Variants in CECR2 observed in about 807,000 individuals in gnomAD.
CECR2 encodes the protein CECR2 histone acetyl-lysine reader.
A neutral mutation model predicts 154.5 loss-of-function variants in CECR2; 30 were observed. The observed-to-expected ratio is 0.19, with a 90% CI of 0.15 to 0.26. The LOEUF (loss-of-function observed/expected upper bound fraction) is 0.26, where lower values mean the gene tolerates loss of function less well. Ranked by LOEUF, CECR2 falls within the 10% of genes least tolerant of loss-of-function variation. The pLI is 1.00. For synonymous variants in CECR2, 725 were observed against 683.7 expected (o/e 1.06, Z -0.94); for missense variants, 1,743 against 1,829.3 (o/e 0.95, Z 0.86).
intron 1 of CECR2, among the ~76,000 whole-genome samples, chr22:17,455,897 G>A (rs564379286): frequency 4.6e-4 from 70 of 152,230 alleles, no homozygotes; most frequent in African/African-American, 1.6e-3. Flanking sequence ...GCCCCAAACA[G>A]CACACATTTA....
intron 1 of CECR2, among the ~76,000 whole-genome samples, chr22:17,362,547 T>C: frequency 7.9e-6 from 1 of 127,114 alleles, no homozygotes; most frequent in Non-Finnish European, 1.9e-5. Flanking sequence ...AATTTTTTAG[T>C]TCATTTTTTT....
At chr22:17,507,601 A>G (rs2055870430) in intron 7 of CECR2, among the ~76,000 whole-genome samples, 1 of 152,146 alleles carries the variant, frequency 6.6e-6, no homozygotes, top group South Asian at 2.1e-4. Context: ...TAGAAGAATT[A>G]AGGGGAAAAA....
Position 17,497,410 on chromosome 22 carries a change from A to G in CECR2, c.229A>G (p.Thr77Ala). The G allele has an allele frequency of 6.2e-7, 1 of 1,613,532 alleles. No individual in the cohort carries two copies. ...TTTGGGGCCCTGGTCTAGGCCTCAG[A>G]CATTCCACAGCTACCTAGAGGACAT... ...CYQRRDITPQTFHSYLEDIIN... is the reference protein window; with the variant it reads ...CYQRRDITPQAFHSYLEDIIN... Residue 77 changes from threonine (T) to alanine (A), a missense_variant, in exon 3 of 19, where the codon ACA (threonine) becomes GCA (alanine). Physicochemically the swap from Thr to Ala is moderately conservative, Grantham distance 58. Transcript: ENST00000262608.
At chr22:17,517,430 G>A (rs1222570006) in intron 8 of CECR2, among the ~76,000 whole-genome samples, 6 of 152,160 alleles carry the variant, frequency 3.9e-5, no homozygotes, top group African/African-American at 1.4e-4. Context: ...GAGAACGGAG[G>A]AATACCGGTA....
At chr22:17,432,210 G>A (rs185988399) in intron 1 of CECR2, among the ~76,000 whole-genome samples, 16 of 152,198 alleles carry the variant, frequency 1.1e-4, no homozygotes, top group Admixed American at 3.9e-4. Context: ...TCCTGTAAGT[G>A]GAATCACACA....
At chr22:17,376,009 C>G (rs960956025) in intron 1 of CECR2, among the ~76,000 whole-genome samples, 1 of 151,142 alleles carries the variant, frequency 6.6e-6, no homozygotes, top group African/African-American at 2.4e-5. Context: ...TTTAATGTAA[C>G]ATACTAGAGG....
At chr22:17,485,547 TCA>T (rs1417980646) in intron 2 of CECR2, among the ~76,000 whole-genome samples, 1 of 152,152 alleles carries the variant, frequency 6.6e-6, no homozygotes, top group East Asian at 1.9e-4. Context: ...GGCAGGCCGC[TCA>T]CATGAACTCA....
intron 5 of CECR2, among the ~76,000 whole-genome samples, chr22:17,501,302 C>G (rs981415052): frequency 2.0e-5 from 3 of 152,130 alleles, no homozygotes; most frequent in African/African-American, 7.2e-5. Flanking sequence ...TTTTTAACCA[C>G]TAAGAAATAT....
intron 1 of CECR2, among the ~76,000 whole-genome samples, chr22:17,380,973 TCTC>T (rs2063181074): frequency 6.6e-6 from 1 of 152,246 alleles, no homozygotes; most frequent in Middle Eastern, 3.4e-3. Context: ...TCCTTTCTCT[TCTC>T]CATTCCCCAT....
At chr22:17,540,921 C>T (rs1350944517) in intron 14 of CECR2, 121 bp downstream of exon 14, 8 of 1,071,948 alleles carry the variant, frequency 7.5e-6, no homozygotes, top group Admixed American at 3.2e-5. Context: ...ATCTTTTTCC[C>T]TGTGAGTCCT....
intron 1 of CECR2, among the ~76,000 whole-genome samples, chr22:17,466,217 G>A (rs539538397): frequency 2.6e-5 from 4 of 152,190 alleles, no homozygotes; most frequent in African/African-American, 4.8e-5. Context: ...GAGCCAGAGC[G>A]CCTGGCCTTC....
intron 1 of CECR2, chr22:17,424,737 T>A (rs758920109): frequency 1.9e-5 from 3 of 154,508 alleles, no homozygotes; most frequent in Non-Finnish European, 4.4e-5. Context: ...AGGATTGGTG[T>A]CCCTCTCTCA....
chr22:17,549,406 C>T lies in CECR2; in HGVS notation c.4119C>T (p.His1373=), dbSNP rs2056670746. 1 of 1,613,824 alleles carries T rather than the reference C, an allele frequency of 6.2e-7. No homozygotes were observed. Among genetic ancestry groups the T allele is most frequent in the Admixed American group, 1.7e-5 (1 of 59,980 alleles). Residue 1373 remains histidine (H), a synonymous_variant, in exon 17 of 19, where the codon CAC becomes CAT. Transcript: ENST00000262608. ...YSSPVAALPP[H]HPGATQPNGL... The stretch of plus-strand genomic sequence containing the variant: ...CCCCTGTGGCTGCCCTCCCACCTCA[C>T]CACCCAGGGGCCACCCAGCCCAACG...
chr22:17,444,576 G>A (rs2054631098), intron 1 of CECR2, among the ~76,000 whole-genome samples: 1 of 151,918 alleles, frequency 6.6e-6, no homozygotes. Context: ...GTGAGATCAT[G>A]CCACTGCACT....
rs2056549814 is a variant in CECR2, at chr22:17,542,797, T to A, written c.2654T>A (p.Met885Lys). The A allele has an allele frequency of 6.2e-7, 1 of 1,613,748 alleles. No homozygotes were observed. Among genetic ancestry groups the A allele is most frequent in the Non-Finnish European group, 8.5e-7 (1 of 1,179,820 alleles). Residue 885 changes from methionine to lysine, a missense_variant, in exon 16 of 19, where the codon ATG becomes AAG. Around this residue, in one of 4 missense-constraint regions of CECR2, gnomAD observed 1,250 missense variants for 1,192.1 expected, o/e 1.05. Coordinates refer to ENST00000262608, the MANE Select transcript of CECR2 (RefSeq NM_001290047.2). ...GGDSMMDSPEMIAMQQLSSRV... is the reference protein window; with the variant it reads ...GGDSMMDSPEKIAMQQLSSRV... ...GACTCCATGATGGACAGCCCAGAGA[T>A]GATTGCGATGCAGCAGCTCTCCTCC...
At chr22:17,455,939 TGAAGGTATTAGCTGAGG>T (rs2054847638) in intron 1 of CECR2, among the ~76,000 whole-genome samples, 1 of 152,112 alleles carries the variant, frequency 6.6e-6, no homozygotes, top group Admixed American at 6.6e-5. Flanking sequence ...TCAGCTGCAG[TGAAGGTATTAGCTGAGG>T]CTGTGGTCTC....
chr22:17,422,134 C>G (rs1027565603), intron 1 of CECR2, among the ~76,000 whole-genome samples: 1 of 151,668 alleles, frequency 6.6e-6, no homozygotes, highest in African/African-American at 2.4e-5. Context: ...AGGATGTTTT[C>G]TTTCTTTTCT....
chr22:17,407,061 T>A (rs902750945), intron 1 of CECR2, among the ~76,000 whole-genome samples: 1 of 152,206 alleles, frequency 6.6e-6, no homozygotes, highest in African/African-American at 2.4e-5. Context: ...CTTTGATAAC[T>A]TGAGTATTAG....
In CECR2 at chr22:17,539,042, A is replaced by G. The variant is rs774139283; in HGVS notation, c.1418A>G (p.Tyr473Cys). ...SMEKKLNGGLYCTKEEFVNDM... is the reference protein window; with the variant it reads ...SMEKKLNGGLCCTKEEFVNDM... Reference sequence around the variant, plus strand: ...GAGAAGAAACTGAATGGAGGTTTATACTGTACCAAGGAGGAATTTGTAAAT... The same window carrying G: ...GAGAAGAAACTGAATGGAGGTTTATGCTGTACCAAGGAGGAATTTGTAAAT... The change falls in exon 13 of 19, where the codon TAC becomes TGC. Residue 473 changes from tyrosine (Y) to cysteine (C), a missense_variant. Physicochemically the swap from Tyr to Cys is radical, Grantham distance 194 (BLOSUM62 -2). This residue lies in a region of CECR2 where 103 missense variants were observed against 166.8 expected (regional missense o/e 0.62). Transcript: ENST00000262608. 1 of 1,613,902 alleles carries G rather than the reference A, an allele frequency of 6.2e-7. No homozygotes were observed. The highest frequency in any genetic ancestry group is 8.5e-7 in the Non-Finnish European group (1 of 1,179,792).
Sources: gnomAD v4.1 joint callset for allele counts (sites outside exome capture counted in the v4.1 genomes callset) on GRCh38, gnomAD v4.1.1 for gene constraint, gnomAD v4.1.1 regional missense constraint, MANE v1.5 for transcripts, NCBI Gene and HGNC (gene_info 2026-07-23, HGNC 2026-07-21) for gene names.